The following LIPE variants were observed in gnomAD, a reference collection of about 807,000 sequenced individuals.
LIPE encodes lipase E, hormone sensitive type.
In LIPE, 66 loss-of-function variants were observed where a neutral mutation model predicts 88.5. The observed-to-expected ratio is 0.75, with a 90% confidence interval of 0.61 to 0.91. The LOEUF is 0.91. Ranked by LOEUF, LIPE falls within the 40% of genes least tolerant of loss-of-function variation. LIPE has a pLI of 0.00. For synonymous variants in LIPE, 570 were observed against 617.5 expected, an observed-to-expected ratio of 0.92 and a Z score of 1.14; for missense variants, 1,346 against 1,434.7, an observed-to-expected ratio of 0.94 and a Z score of 1.00.
At position 42,402,762 on chromosome 19, in the gene LIPE, G is replaced by T. The variant is rs7246232; in HGVS notation, c.2812C>A (p.Arg938Ser). The stretch of plus-strand genomic sequence containing the variant: ...TGGAAACCCTCGGGGAAGGCGGCAC[G>T]GACGCCCAGGCCTCTGTCCATGGGG... The part of the protein sequence containing the change: ...LSPMDRGLGV[R>S]AAFPEGFHPR... Residue 938 changes from arginine (R) to serine (S), a missense_variant, in exon 9 of 10, where the codon CGT becomes AGT. Physicochemically the swap from Arg to Ser is moderately radical, Grantham distance 110. Coordinates refer to ENST00000244289, the MANE Select transcript of LIPE (RefSeq NM_005357.4). The T allele has an allele frequency of 3.7e-3, 5,911 of 1,587,540 alleles. 161 individuals are homozygous for T. In the African/African-American group the frequency reaches 0.061, roughly 16 times the overall value.
Position 42,426,527 on chromosome 19 carries a change from G to T in LIPE, c.623C>A (p.Thr208Lys). 6.2e-7 allele frequency: 1 copy of T among 1,614,182 alleles called. No homozygotes were observed. The highest frequency in any genetic ancestry group is 8.5e-7 in the Non-Finnish European group (1 of 1,180,032). Residue 208 changes from threonine to lysine, a missense_variant, in exon 1 of 10, where the codon ACA becomes AAA. Coordinates refer to ENST00000244289, the MANE Select transcript of LIPE (RefSeq NM_005357.4). ...CTGTATGGATAGTTCCTGAAGTTTT[G>T]TTAGAAATCCCAGCTCTGTCAAAGA... ...QGSLTELGFL[T>K]KLQELSIQRS...
chr19:42,420,297 G>A (rs1485549861), intron 1 of LIPE, among the ~76,000 whole-genome samples: 1 of 152,060 alleles, frequency 6.6e-6, no homozygotes, highest in Non-Finnish European at 1.5e-5. Flanking sequence ...GAGTGTGTCT[G>A]GGGTTCACGT....
At position 42,408,751 on chromosome 19, in the gene LIPE, G is replaced by A. The variant is rs2040275568; in HGVS notation, c.1420-429C>T. 6.6e-6 allele frequency among the ~76,000 whole-genome samples: 1 copy of A among 151,684 alleles called. No homozygotes were observed. The highest frequency in any genetic ancestry group is 6.6e-5 in the Admixed American group (1 of 15,240). On this transcript the variant is annotated intron_variant, in intron 2 of 9. Transcript: ENST00000244289. This position sits in a 1 kb window ranked among gnomAD's most constrained non-coding sequence, Gnocchi z 4.3. Reference sequence around the variant, plus strand: ...AGGCAGGAGAATCGCTTGAACCCAGGAGGCAGAGGTTGCAGTGAGTGGAGA... The same window carrying A: ...AGGCAGGAGAATCGCTTGAACCCAGAAGGCAGAGGTTGCAGTGAGTGGAGA...
intron 1 of LIPE, chr19:42,423,812 C>T (rs991167377): frequency 2.0e-5 from 22 of 1,107,436 alleles, no homozygotes; most frequent in Non-Finnish European, 2.3e-5. Flanking sequence ...AAGCGTCCTT[C>T]GGGCAGGACT....
intron 8 of LIPE, among the ~76,000 whole-genome samples, chr19:42,403,255 G>A (rs1205903247): frequency 9.7e-5 from 13 of 133,904 alleles, no homozygotes; most frequent in African/African-American, 1.3e-4. Flanking sequence ...GTGTGTGTGT[G>A]TGTGTGTGTG....
rs529232229 is a variant in LIPE, at chr19:42,406,706, G to A, written c.2138-318C>T. 6.6e-6 allele frequency among the ~76,000 whole-genome samples: 1 copy of A among 152,292 alleles called. No homozygotes were observed. The highest frequency in any genetic ancestry group is 2.4e-5 in the African/African-American group (1 of 41,574). ...GCTGAGCTCAGGCCTGTTGCAGGAG[G>A]GGGGCCTCAGAGGGCGGGAATGGAA... On this transcript the variant is annotated intron_variant, in intron 6 of 9. Coordinates refer to ENST00000244289, the MANE Select transcript of LIPE (RefSeq NM_005357.4). This position sits in a 1 kb window ranked among gnomAD's most constrained non-coding sequence, Gnocchi z 5.7.
In LIPE at chr19:42,401,854, C is replaced by G. The variant is rs778378563; in HGVS notation, c.3189G>C (p.Thr1063=). 1 of 1,523,704 alleles carries G rather than the reference C, an allele frequency of 6.6e-7. No homozygotes were observed. Among genetic ancestry groups the G allele is most frequent in the Non-Finnish European group, 8.8e-7 (1 of 1,139,508 alleles). 94.4% of individuals were successfully genotyped at this position (1,523,704 alleles called of 1,614,324 possible). A position where few individuals can be genotyped will look rare whatever the true frequency, so the allele number is the denominator to read the frequency against. The change falls in exon 10 of 10, where the codon ACG becomes ACC. Residue 1063 remains threonine, a synonymous_variant. Transcript: ENST00000244289. ...AGCCCCCGTCTACCCCCGCAGCCCCCGTCTCCCCGCTCGGCCCGGCTCCGG... is the reference window on the plus strand; with the variant it reads ...AGCCCCCGTCTACCCCCGCAGCCCCGGTCTCCCCGCTCGGCCCGGCTCCGG... ...PPAGAGPSGE[T]GAAGVDGGCG...
intron 1 of LIPE, chr19:42,423,541 TC>T (rs1403458749): frequency 8.0e-7 from 1 of 1,243,710 alleles, no homozygotes; most frequent in Admixed American, 2.9e-5. Context: ...CTCCATCAAT[TC>T]CCCGCGGTCC....
At chr19:42,419,670 G>T (rs1327981000) in intron 1 of LIPE, among the ~76,000 whole-genome samples, 2 of 150,656 alleles carry the variant, frequency 1.3e-5, no homozygotes, top group Non-Finnish European at 3.0e-5. Flanking sequence ...ACTGAGCAGG[G>T]GTAAGGAGGG....
At chr19:42,417,413 C>T (rs77213871) in intron 1 of LIPE, among the ~76,000 whole-genome samples, 1 of 151,820 alleles carries the variant, frequency 6.6e-6, no homozygotes, top group Admixed American at 6.6e-5. Context: ...ATGGGCACCA[C>T]TATGCCTGGT....
At position 42,402,937 on chromosome 19, in the gene LIPE, C is replaced by T; in HGVS notation, c.2637G>A (p.Leu879=). Residue 879 remains leucine, a synonymous_variant, in exon 9 of 10, where the codon TTG becomes TTA. Coordinates refer to ENST00000244289, the MANE Select transcript of LIPE (RefSeq NM_005357.4). Reference sequence around the variant, plus strand: ...ACGTCTCGGAGTTTCCCCTCAGGCTCAAGTCCCTCAGGGTCAGGTTCTTGA... The same window carrying T: ...ACGTCTCGGAGTTTCCCCTCAGGCTTAAGTCCCTCAGGGTCAGGTTCTTGA... ...DSLKNLTLRD[L]SLRGNSETSS... is the part of the protein sequence containing the mutation. 1.2e-6 allele frequency: 2 copies of T among 1,610,630 alleles called. No homozygotes were observed. The highest frequency in any genetic ancestry group is 3.3e-5 in the Admixed American group (2 of 60,012).
chr19:42,407,498 G>C lies in LIPE; in HGVS notation c.1843-30C>G, dbSNP rs771883914. 1 of 1,596,806 alleles carries C rather than the reference G, an allele frequency of 6.3e-7. No homozygotes were observed. The highest frequency in any genetic ancestry group is 8.6e-7 in the Non-Finnish European group (1 of 1,168,576). On this transcript the variant is annotated intron_variant, in intron 5 of 9. Transcript: ENST00000244289. The surrounding 1 kb of genome is among the most constrained non-coding windows in gnomAD (Gnocchi z 5.8). ...GGGTGAGGAGGGAGACGGTGTGTGAGGTTGGGGAGAGCTGGCCAGGGCTGC... is the reference window on the plus strand; with the variant it reads ...GGGTGAGGAGGGAGACGGTGTGTGACGTTGGGGAGAGCTGGCCAGGGCTGC...
rs756040557 is a variant in LIPE, at chr19:42,426,800, G to C, written c.350C>G (p.Pro117Arg). 1.2e-6 allele frequency: 2 copies of C among 1,614,180 alleles called. No individual in the cohort carries two copies. The highest frequency in any genetic ancestry group is 2.2e-5 in the East Asian group (1 of 44,874). Residue 117 changes from proline (P) to arginine (R), a missense_variant, in exon 1 of 10, where the codon CCT (proline) becomes CGT (arginine). Pro to Arg is a moderately radical substitution (Grantham distance 103, BLOSUM62 -2). Coordinates refer to ENST00000244289, the MANE Select transcript of LIPE (RefSeq NM_005357.4). ...TQQEAASQQG[P>R]GLGKESITQQ... ...AGTTATAGATTCTTTTCCTAGCCCA[G>C]GTCCCTGCTGGGAGGCAGCTTCCTG...
intron 1 of LIPE, chr19:42,411,129 C>T (rs2040364514): frequency 4.8e-6 from 1 of 207,790 alleles, no homozygotes; most frequent in Admixed American, 6.5e-5. Flanking sequence ...ACCCAGGAGT[C>T]CAAGCCCCAA....
chr19:42,408,321 A>G lies in LIPE; in HGVS notation c.1421T>C (p.Phe474Ser). The change falls in exon 3 of 10, where the codon TTC becomes TCC. Residue 474 changes from phenylalanine to serine, a missense_variant and splice_region_variant. Physicochemically the swap from Phe to Ser is radical, Grantham distance 155 (BLOSUM62 -2). Transcript: ENST00000244289. The surrounding 1 kb of genome is among the most constrained non-coding windows in gnomAD (Gnocchi z 4.3). ...CAGGAATGGCCGGATGGCAGGCGTG[A>G]ACTGTGGAGAGACGCGGCTGCGTCA... ...CFYGRCLGFQ[F>S]TPAIRPFLQT... 1 of 1,613,812 alleles carries G rather than the reference A, an allele frequency of 6.2e-7. No individual in the cohort carries two copies. The highest frequency in any genetic ancestry group is 8.5e-7 in the Non-Finnish European group (1 of 1,179,798).
chr19:42,405,633 G>T (rs1254103114), intron 7 of LIPE, 72 bp from the exon 8 acceptor site: 5 of 1,452,082 alleles, frequency 3.4e-6, no homozygotes, highest in Non-Finnish European at 4.7e-6. Context: ...AGAACTTCAG[G>T]CATCTGTGGT....
chr19:42,407,475 G>T lies in LIPE; in HGVS notation c.1843-7C>A. 6.2e-7 allele frequency: 1 copy of T among 1,607,226 alleles called. No homozygotes were observed. The highest frequency in any genetic ancestry group is 8.5e-7 in the Non-Finnish European group (1 of 1,175,128). ...TGCTGAGCTCCTCACTGTCCTGGGGGTGAGGAGGGAGACGGTGTGTGAGGT... is the reference window on the plus strand; with the variant it reads ...TGCTGAGCTCCTCACTGTCCTGGGGTTGAGGAGGGAGACGGTGTGTGAGGT... On this transcript the variant is annotated splice_region_variant and splice_polypyrimidine_tract_variant and intron_variant, in intron 5 of 9. Coordinates refer to ENST00000244289, the MANE Select transcript of LIPE (RefSeq NM_005357.4). This position sits in a 1 kb window ranked among gnomAD's most constrained non-coding sequence, Gnocchi z 5.8.
intron 1 of LIPE, among the ~76,000 whole-genome samples, chr19:42,416,189 A>G (rs1029839823): frequency 4.6e-5 from 7 of 152,004 alleles, no homozygotes; most frequent in African/African-American, 1.7e-4. Context: ...CTTAAAATAC[A>G]AAAAAGAAGC....
Position 42,423,278 on chromosome 19 carries a change from C to T in LIPE, c.883+2989G>A. The T allele has an allele frequency of 3.9e-6, 2 of 513,304 alleles. 1 individual carries two copies. The highest frequency in any genetic ancestry group is 6.8e-5 in the Admixed American group (2 of 29,394). The allele number at this position is 513,304 out of a possible 1,614,324, so 31.8% of individuals were successfully genotyped here. On this transcript the variant is annotated intron_variant, in intron 1 of 9. Transcript: ENST00000244289. ...CACCCCCTTCTCACAATGGATCATCCCGTTGTCCCCGCAAGCGGCAATGGG... is the reference window on the plus strand; with the variant it reads ...CACCCCCTTCTCACAATGGATCATCTCGTTGTCCCCGCAAGCGGCAATGGG...
Sources: allele counts gnomAD v4.1 joint callset (sites outside exome capture counted in the v4.1 genomes callset), GRCh38; gene constraint gnomAD v4.1.1; non-coding constraint Gnocchi (gnomAD v3.1); transcripts MANE v1.5; gene names NCBI Gene and HGNC (gene_info 2026-07-23, HGNC 2026-07-21).